The following DGLUCY variants were observed in gnomAD, a reference collection of about 807,000 sequenced individuals.
DGLUCY encodes D-glutamate cyclase, also known as D-glutamate cyclase, mitochondrial.
Under a neutral mutation model 58.5 loss-of-function variants are expected in DGLUCY, and 58 were observed. The ratio of observed to expected loss-of-function variants is 0.99; its 90% confidence interval spans 0.80 to 1.23. The LOEUF (loss-of-function observed/expected upper bound fraction) is 1.23. Among genes scored for constraint, DGLUCY ranks in the 50% most tolerant of loss-of-function variants. DGLUCY has a pLI of 0.00. For missense variants in DGLUCY, 779 were observed against 784.7 expected (o/e 0.99, Z 0.09); for synonymous variants, 325 against 314.1 (o/e 1.03, Z -0.37).
intron 1 of DGLUCY, among the ~76,000 whole-genome samples, chr14:91,135,233 A>G (rs1178762779): frequency 6.6e-6 from 1 of 152,050 alleles, no homozygotes; most frequent in Admixed American, 6.6e-5. Context: ...GCTGCCTTAC[A>G]CATTTTTATT....
upstream of DGLUCY, among the ~76,000 whole-genome samples, chr14:91,112,233 G>A (rs1285064819): frequency 2.0e-5 from 3 of 147,574 alleles, no homozygotes; most frequent in Non-Finnish European, 3.0e-5. Flanking sequence ...TGGGCAACAA[G>A]AGCAAAACTC....
At chr14:91,158,538 TAG>T (rs1357053325) in intron 2 of DGLUCY, among the ~76,000 whole-genome samples, 1 of 152,228 alleles carries the variant, frequency 6.6e-6, no homozygotes. Context: ...TCTAGGAGAT[TAG>T]AGTTGAAAAC....
intron 13 of DGLUCY, chr14:91,215,954 C>T: frequency 2.8e-6 from 1 of 353,828 alleles, no homozygotes; most frequent in Non-Finnish European, 5.4e-6. Context: ...ATTCACCACC[C>T]AGCGAGGCCA....
upstream of DGLUCY, among the ~76,000 whole-genome samples, chr14:91,111,200 A>ATGTGTGTGTGTGTGTGTGTG (rs1183383205): frequency 3.8e-5 from 3 of 79,124 alleles, no homozygotes; most frequent in Admixed American, 1.6e-4. Flanking sequence ...TTATTTATAT[A>ATGTGTGTGTGTGTGTGTGTG]TATGTGTGTG....
At chr14:91,063,758 C>G (rs1243091219) in intron 1 of DGLUCY, among the ~76,000 whole-genome samples, 3 of 152,182 alleles carry the variant, frequency 2.0e-5, no homozygotes, top group Non-Finnish European at 4.4e-5. Context: ...GAGGCCCGGT[C>G]AGGAAGTATG....
Position 91,108,535 on chromosome 14 carries a change from G to C in DGLUCY, c.-82+474G>C, listed in dbSNP as rs1381405048. On this transcript the variant is annotated intron_variant, in intron 1 of 4. Coordinates refer to the DGLUCY transcript ENST00000518871. ...TGTGTGTGTGTGTGTGTGAGAGAGA[G>C]AGAGAGAGAGAGAGAGAGAGAGAGA... 3.4e-5 allele frequency among the ~76,000 whole-genome samples: 5 copies of C among 145,728 alleles called. 1 individual carries two copies. Among genetic ancestry groups the C allele is most frequent in the African/African-American group, 1.0e-4 (4 of 38,642 alleles).
intron 12 of DGLUCY, among the ~76,000 whole-genome samples, chr14:91,212,358 A>G (rs1812974800): frequency 1.3e-5 from 2 of 151,936 alleles, no homozygotes; most frequent in Admixed American, 6.6e-5. Flanking sequence ...AAATTTTAAA[A>G]TATTAGCTGG....
chr14:91,105,412 G>T (rs183248131), upstream of DGLUCY, among the ~76,000 whole-genome samples: 1 of 152,312 alleles, frequency 6.6e-6, no homozygotes. Flanking sequence ...CGAGACAGGT[G>T]TTTAATTCTA....
chr14:91,200,895 T>G (rs920636772), intron 11 of DGLUCY, among the ~76,000 whole-genome samples: 1 of 149,714 alleles, frequency 6.7e-6, no homozygotes, highest in African/African-American at 2.5e-5. Context: ...TTGGGATAGG[T>G]GGTGGAGTTA....
At chr14:91,213,844 C>T (rs1412710161) in intron 12 of DGLUCY, among the ~76,000 whole-genome samples, 1 of 152,000 alleles carries the variant, frequency 6.6e-6, no homozygotes, top group Non-Finnish European at 1.5e-5. Flanking sequence ...GGATTACAGG[C>T]ACCCTCCACC....
intron 1 of DGLUCY, among the ~76,000 whole-genome samples, chr14:91,117,216 A>C (rs1292169765): frequency 1.3e-5 from 2 of 152,232 alleles, no homozygotes; most frequent in African/African-American, 4.8e-5. Context: ...GTTAGTGTAT[A>C]ATAAGCAGTG....
chr14:91,211,085 C>A (rs1885612999), intron 12 of DGLUCY, among the ~76,000 whole-genome samples: 1 of 152,108 alleles, frequency 6.6e-6, no homozygotes, highest in Non-Finnish European at 1.5e-5. Flanking sequence ...AAATTAAAAA[C>A]ACATTACCAT....
intron 5 of DGLUCY, among the ~76,000 whole-genome samples, chr14:91,172,086 T>C (rs1200901663): frequency 6.6e-6 from 1 of 152,178 alleles, no homozygotes; most frequent in East Asian, 1.9e-4. Flanking sequence ...TATTTTTATT[T>C]TTGACAGTTC....
chr14:91,137,748 T>G (rs2046427514), intron 1 of DGLUCY, among the ~76,000 whole-genome samples: 1 of 151,744 alleles, frequency 6.6e-6, no homozygotes, highest in African/African-American at 2.4e-5. Context: ...AAGGTTAGAG[T>G]AATATTTCTA....
rs2043997390 is a variant in DGLUCY, at chr14:91,075,053, CAA to C, written c.-82+14350_-82+14351del. Among the ~76,000 whole-genome samples, 3 of 136,646 alleles carry C rather than the reference CAA, an allele frequency of 2.2e-5. No individual in the cohort carries two copies. The Admixed American group carries it at 2.4e-4, about 11-fold the overall frequency. 89.6% of individuals were successfully genotyped at this position (136,646 alleles called of 152,430 possible). On this transcript the variant is annotated intron_variant, in intron 1 of 4. Transcript: ENST00000521334. The stretch of plus-strand genomic sequence containing the variant: ...TGCCATTGCACTCCAGCGTGGGCAA[CAA>C]GAGAGAAACTCCGTCTCAAAAAAAA...
chr14:91,064,095 G>A (rs191637295), intron 1 of DGLUCY, among the ~76,000 whole-genome samples: 6 of 152,202 alleles, frequency 3.9e-5, no homozygotes, highest in Non-Finnish European at 5.9e-5. Flanking sequence ...TGTTTCTAGC[G>A]TGAGCAGCTA....
At chr14:91,218,929 C>T (rs1462459255) in intron 13 of DGLUCY, among the ~76,000 whole-genome samples, 2 of 151,766 alleles carry the variant, frequency 1.3e-5, no homozygotes, top group Non-Finnish European at 2.9e-5. Flanking sequence ...CCTGTATTCC[C>T]AGAACTTTGG....
intron 12 of DGLUCY, among the ~76,000 whole-genome samples, chr14:91,214,837 C>T (rs1273955696): frequency 6.6e-6 from 1 of 151,674 alleles, no homozygotes; most frequent in East Asian, 1.9e-4. Context: ...AGAGGGAGAC[C>T]CCATCACTAA....
chr14:91,129,833 A>T lies in DGLUCY; in HGVS notation c.-82+15550A>T, dbSNP rs139369194. 3.7e-4 allele frequency among the ~76,000 whole-genome samples: 57 copies of T among 152,210 alleles called. No individual in the cohort carries two copies. The Middle Eastern group carries it at 0.01, about 27-fold the overall frequency. On this transcript the variant is annotated intron_variant, in intron 1 of 13. Transcript: ENST00000256324. The stretch of plus-strand genomic sequence containing the variant: ...GGCTAATTTTGTATTTTTAGTAGAG[A>T]TGGGAGTTTCTCCATATTGGTCAGG...
Sources: allele counts gnomAD v4.1 joint callset (sites outside exome capture counted in the v4.1 genomes callset), GRCh38; gene constraint gnomAD v4.1.1; transcripts MANE v1.5; gene names NCBI Gene and HGNC (gene_info 2026-07-23, HGNC 2026-07-21).